The following PRKD1 variants were observed in gnomAD, a reference collection of about 807,000 sequenced individuals.
PRKD1 encodes protein kinase D1.
In PRKD1, 63 loss-of-function variants were observed where a neutral mutation model predicts 95.9. The observed-to-expected ratio is 0.66, with a 90% CI of 0.54 to 0.81. PRKD1 has a LOEUF of 0.81. Among genes scored for constraint, PRKD1 ranks in the 30% least tolerant of loss-of-function variants. PRKD1 has a pLI of 0.00. For synonymous variants in PRKD1, 425 were observed against 423.1 expected, an observed-to-expected ratio of 1.00 and a Z score of -0.05; for missense variants, 1,048 against 1,165.3, an observed-to-expected ratio of 0.90 and a Z score of 1.47.
chr14:29,676,191 T>TTTGTTTTTTTTTTG lies in PRKD1; in HGVS notation c.404-9984_404-9983insCAAAAAAAAAACAA, dbSNP rs201015731. On this transcript the variant is annotated intron_variant, in intron 2 of 17. Transcript: ENST00000331968. The stretch of plus-strand genomic sequence containing the variant: ...TAGTTCATTACGTTTTTGTTTTTTT[T>TTTGTTTTTTTTTTG]TTTTTTTTTTTTGCTGAGTTGTATT... Among the ~76,000 whole-genome samples, 46 of 124,548 alleles carry TTTGTTTTTTTTTTG rather than the reference T, an allele frequency of 3.7e-4. 1 individual carries two copies. Among genetic ancestry groups the TTTGTTTTTTTTTTG allele is most frequent in the Non-Finnish European group, 5.1e-4 (30 of 59,276 alleles). The allele number at this position is 124,548 out of a possible 152,430, so 81.7% of individuals were successfully genotyped here. A position where few individuals can be genotyped will look rare whatever the true frequency, so the allele number is the denominator to read the frequency against.
At chr14:29,861,320 T>C (rs1399420319) in intron 1 of PRKD1, among the ~76,000 whole-genome samples, 1 of 152,212 alleles carries the variant, frequency 6.6e-6, no homozygotes, top group East Asian at 1.9e-4. Context: ...GTACAAACTA[T>C]ATCCTGACAC....
intron 2 of PRKD1, among the ~76,000 whole-genome samples, chr14:29,695,529 G>T (rs1184206958): frequency 4.6e-5 from 7 of 152,192 alleles, no homozygotes. Flanking sequence ...AAGCAAAGAT[G>T]ACTCCAAAGC....
intron 1 of PRKD1, among the ~76,000 whole-genome samples, chr14:29,753,362 A>G (rs1887564036): frequency 6.6e-6 from 1 of 152,132 alleles, no homozygotes; most frequent in South Asian, 2.1e-4. Flanking sequence ...TTGGTGCCCC[A>G]GTCCTTGGGT....
chr14:29,591,068 C>G (rs1445049978), intron 16 of PRKD1: 1 of 152,180 alleles, frequency 6.6e-6, no homozygotes, highest in Non-Finnish European at 1.5e-5. Flanking sequence ...TGAGCCACCA[C>G]GCCTGGCCCC....
At chr14:29,807,587 G>A (rs1173018174) in intron 1 of PRKD1, among the ~76,000 whole-genome samples, 1 of 151,904 alleles carries the variant, frequency 6.6e-6, no homozygotes, top group Admixed American at 6.6e-5. Context: ...TTCTAGAGAT[G>A]AGGTTTCGCC....
At chr14:29,686,819 C>G (rs1021811759) in intron 2 of PRKD1, among the ~76,000 whole-genome samples, 8 of 152,204 alleles carry the variant, frequency 5.3e-5, no homozygotes, top group Non-Finnish European at 1.2e-4. Flanking sequence ...CAATTAAGTA[C>G]TGTAGAAGGA....
At chr14:29,879,995 G>T (rs1278807826) in intron 1 of PRKD1, among the ~76,000 whole-genome samples, 1 of 152,168 alleles carries the variant, frequency 6.6e-6, no homozygotes, top group Non-Finnish European at 1.5e-5. Flanking sequence ...GGGAAGCAGA[G>T]CATAAAGGTT....
chr14:29,923,810 GAAAAAAAAA>G (rs768450153), intron 1 of PRKD1, among the ~76,000 whole-genome samples: 6 of 100,006 alleles, frequency 6.0e-5, no homozygotes, highest in African/African-American at 1.8e-4. Context: ...CTCATTTGAG[GAAAAAAAAA>G]AAAAAAAAAA....
intron 1 of PRKD1, among the ~76,000 whole-genome samples, chr14:29,731,873 T>G (rs924319595): frequency 6.6e-6 from 1 of 151,444 alleles, no homozygotes; most frequent in Non-Finnish European, 1.5e-5. Context: ...TCTACTTTTT[T>G]TTTTTTTTTT....
intron 2 of PRKD1, among the ~76,000 whole-genome samples, chr14:29,693,664 C>A (rs1197735339): frequency 1.2e-3 from 135 of 116,854 alleles, no homozygotes; most frequent in African/African-American, 4.2e-3. Context: ...AAAAAAAAAA[C>A]CAACACCATG....
chr14:29,920,048 G>GGAAGGAAGGAAGGAAA (rs1895041915), intron 1 of PRKD1, among the ~76,000 whole-genome samples: 1 of 135,202 alleles, frequency 7.4e-6, no homozygotes, highest in Non-Finnish European at 1.5e-5. Flanking sequence ...AAGGAAGGAA[G>GGAAGGAAGGAAGGAAA]GAAGGAAGGA....
At chr14:29,762,789 G>C (rs1490056133) in intron 1 of PRKD1, among the ~76,000 whole-genome samples, 1 of 152,152 alleles carries the variant, frequency 6.6e-6, no homozygotes, top group Admixed American at 6.5e-5. Context: ...TGTTGCCCAG[G>C]CTGGAGTGCA....
chr14:29,824,724 T>G (rs1471207278), intron 1 of PRKD1, among the ~76,000 whole-genome samples: 2 of 152,176 alleles, frequency 1.3e-5, no homozygotes, highest in Non-Finnish European at 2.9e-5. Context: ...GATACCCTGT[T>G]AAATACATTC....
At chr14:29,897,260 A>G (rs1894166939) in intron 1 of PRKD1, among the ~76,000 whole-genome samples, 1 of 152,120 alleles carries the variant, frequency 6.6e-6, no homozygotes, top group Non-Finnish European at 1.5e-5. Context: ...AACAAATTTC[A>G]TTTGTTATAC....
intron 2 of PRKD1, among the ~76,000 whole-genome samples, chr14:29,697,671 A>C (rs1884603137): frequency 6.6e-6 from 1 of 152,156 alleles, no homozygotes; most frequent in African/African-American, 2.4e-5. Flanking sequence ...GGACTAAGAA[A>C]ATTTTAGAAG....
intron 1 of PRKD1, among the ~76,000 whole-genome samples, chr14:29,820,945 G>A (rs187465151): frequency 2.6e-5 from 4 of 152,256 alleles, no homozygotes; most frequent in East Asian, 1.9e-4. Flanking sequence ...GATGTAATGG[G>A]GGAATGAGGT....
rs1594599617 is a variant in PRKD1, at chr14:29,881,907, C to T, written c.264+45342G>A. 3.3e-5 allele frequency among the ~76,000 whole-genome samples: 5 copies of T among 152,284 alleles called. 1 individual carries two copies. In the South Asian group the frequency reaches 1.0e-3, roughly 32 times the overall value. Reference sequence around the variant, plus strand: ...TTCCTCATACCAGAAATCCTAAACTCCCAAAACTTTCTATCTCTTCTCATG... The same window carrying T: ...TTCCTCATACCAGAAATCCTAAACTTCCAAAACTTTCTATCTCTTCTCATG... On this transcript the variant is annotated intron_variant, in intron 1 of 17. Transcript: ENST00000331968.
intron 2 of PRKD1, among the ~76,000 whole-genome samples, chr14:29,709,486 T>A (rs1594448396): frequency 6.6e-6 from 1 of 152,290 alleles, no homozygotes; most frequent in Admixed American, 6.5e-5. Context: ...GGGACGGTTG[T>A]TATATTAGGA....
At chr14:29,733,296 T>G (rs1039954190) in intron 1 of PRKD1, among the ~76,000 whole-genome samples, 2 of 151,608 alleles carry the variant, frequency 1.3e-5, no homozygotes, top group Admixed American at 6.6e-5. Flanking sequence ...TACAGACGGG[T>G]TTTCACCGTG....
Sources: allele counts gnomAD v4.1 joint callset (sites outside exome capture counted in the v4.1 genomes callset), GRCh38; gene constraint gnomAD v4.1.1; transcripts MANE v1.5; gene names NCBI Gene and HGNC (gene_info 2026-07-23, HGNC 2026-07-21).